The following NIPSNAP2 variants were observed in gnomAD, a reference collection of about 807,000 sequenced individuals.
The protein encoded by NIPSNAP2 is protein NipSnap homolog 2.
In NIPSNAP2, 42 loss-of-function variants were observed where a neutral mutation model predicts 48.4. The ratio of observed to expected loss-of-function variants is 0.87; its 90% CI spans 0.68 to 1.12. The LOEUF is 1.12. NIPSNAP2 is among the 50% of genes most tolerant of loss of function. The pLI is 0.00. For missense variants in NIPSNAP2, 314 were observed against 347.3 expected, an observed-to-expected ratio of 0.90 and a Z score of 0.76; for synonymous variants, 158 against 126.6, an observed-to-expected ratio of 1.25 and a Z score of -1.67.
chr7:55,990,532 G>GT (rs1787421507), intron 7 of NIPSNAP2, among the ~76,000 whole-genome samples: 1 of 151,914 alleles, frequency 6.6e-6, no homozygotes, highest in South Asian at 2.1e-4. Context: ...TGCCTAGCCT[G>GT]TTTTTTGTTT....
chr7:55,977,808 C>T (rs371370969), intron 1 of NIPSNAP2, among the ~76,000 whole-genome samples: 8 of 152,256 alleles, frequency 5.3e-5, no homozygotes, highest in Admixed American at 2.0e-4. Flanking sequence ...TGGCAACCTC[C>T]GTTCTGCTTT....
At chr7:55,985,888 A>G (rs1352613207) in intron 7 of NIPSNAP2, among the ~76,000 whole-genome samples, 1 of 151,908 alleles carries the variant, frequency 6.6e-6, no homozygotes, top group Non-Finnish European at 1.5e-5. Flanking sequence ...TCTCTACTGA[A>G]AATATAAAGA....
At chr7:55,967,777 C>G (rs1786927822) in intron 1 of NIPSNAP2, among the ~76,000 whole-genome samples, 1 of 151,764 alleles carries the variant, frequency 6.6e-6, no homozygotes, top group South Asian at 2.1e-4. Context: ...GCTACCTGAA[C>G]AGCTGGGACT....
chr7:55,997,862 A>G (rs1787594575), intron 9 of NIPSNAP2, among the ~76,000 whole-genome samples: 1 of 152,208 alleles, frequency 6.6e-6, no homozygotes, highest in Non-Finnish European at 1.5e-5. Flanking sequence ...GATAAATTAA[A>G]CTTCCTGTAT....
At chr7:55,964,942 C>A (rs1584334682) in intron 1 of NIPSNAP2, 1 of 193,432 alleles carries the variant, frequency 5.2e-6, no homozygotes, top group African/African-American at 2.3e-5. Flanking sequence ...CCCGGGAAGG[C>A]CCCCGAGGCT....
At chr7:55,987,975 G>A (rs993239171) in intron 7 of NIPSNAP2, among the ~76,000 whole-genome samples, 6 of 152,072 alleles carry the variant, frequency 3.9e-5, no homozygotes, top group Non-Finnish European at 7.4e-5. Context: ...TAAAAAATAC[G>A]TTTAAAAAAT....
Position 55,994,881 on chromosome 7 carries a change from C to A in NIPSNAP2, c.618-13C>A. 1.2e-6 allele frequency: 2 copies of A among 1,611,158 alleles called. No individual in the cohort carries two copies. Among genetic ancestry groups the A allele is most frequent in the Non-Finnish European group, 1.7e-6 (2 of 1,177,252 alleles). On this transcript the variant is annotated splice_polypyrimidine_tract_variant and intron_variant, in intron 7 of 9. Coordinates refer to ENST00000322090, the MANE Select transcript of NIPSNAP2 (RefSeq NM_001483.3). ...ATTCAGTGTCTTAAACAAACATCAT[C>A]TCATTCTTACAGGGCTCGTGCAATC... is the stretch of plus-strand genomic sequence containing the variant.
chr7:55,988,648 C>G (rs977243383), intron 7 of NIPSNAP2, among the ~76,000 whole-genome samples: 3 of 152,080 alleles, frequency 2.0e-5, no homozygotes, highest in African/African-American at 4.8e-5. Context: ...CACCTGAGGT[C>G]AAGAATTCGA....
chr7:55,969,321 C>G (rs1224952319), intron 1 of NIPSNAP2, among the ~76,000 whole-genome samples: 1 of 151,968 alleles, frequency 6.6e-6, no homozygotes, highest in Non-Finnish European at 1.5e-5. Context: ...TGGCATGGGT[C>G]TGTCAACCTC....
At chr7:55,993,256 G>A (rs540793099) in intron 7 of NIPSNAP2, among the ~76,000 whole-genome samples, 2 of 150,000 alleles carry the variant, frequency 1.3e-5, no homozygotes, top group African/African-American at 2.5e-5. Context: ...CCGAGATCCC[G>A]CCACTGCACT....
chr7:55,964,848 G>T (rs1446871036), intron 1 of NIPSNAP2, 147 bp downstream of exon 1: 13 of 249,080 alleles, frequency 5.2e-5, no homozygotes, highest in Non-Finnish European at 8.4e-5. Context: ...CGGAGCTGGG[G>T]TGGGGCCGGA....
At chr7:55,973,463 T>C (rs372825053) in intron 1 of NIPSNAP2, among the ~76,000 whole-genome samples, 4 of 151,790 alleles carry the variant, frequency 2.6e-5, no homozygotes, top group South Asian at 4.1e-4. Context: ...TTTAATTTAT[T>C]TTATTTTATT....
At chr7:55,979,666 C>T in intron 3 of NIPSNAP2, 12 of 416,520 alleles carry the variant, frequency 2.9e-5, no homozygotes, top group South Asian at 2.1e-4. Context: ...TCCTTCCTGC[C>T]CTGCAATACA....
At chr7:55,976,039 A>AGTGT (rs60119988) in intron 1 of NIPSNAP2, among the ~76,000 whole-genome samples, 12 of 150,428 alleles carry the variant, frequency 8.0e-5, no homozygotes, top group East Asian at 5.9e-4. Flanking sequence ...CTCTCAAAAA[A>AGTGT]GTGTGTGTGT....
At position 55,994,977 on chromosome 7, in the gene NIPSNAP2, A is replaced by G. The variant is rs1787529501; in HGVS notation, c.701A>G (p.His234Arg). 1 of 1,613,662 alleles carries G rather than the reference A, an allele frequency of 6.2e-7. No individual in the cohort carries two copies. The highest frequency in any genetic ancestry group is 1.3e-5 in the African/African-American group (1 of 74,938). The stretch of plus-strand genomic sequence containing the variant: ...CAGATTGGGCAGCTGTACATGGTGC[A>G]CCATCTTTGGGGTATCTGTTTTTCC... Reference protein sequence around the residue: ...FSQIGQLYMVHHLWAYRDLQT... With the variant: ...FSQIGQLYMVRHLWAYRDLQT... The change falls in exon 8 of 10, where the codon CAC becomes CGC. Residue 234 changes from histidine to arginine, a missense_variant. Around this residue, in one of 2 missense-constraint regions of NIPSNAP2, gnomAD observed 116 missense variants for 161.8 expected, o/e 0.72. Coordinates refer to ENST00000322090, the MANE Select transcript of NIPSNAP2 (RefSeq NM_001483.3).
intron 7 of NIPSNAP2, among the ~76,000 whole-genome samples, chr7:55,987,118 C>T (rs1298111697): frequency 6.6e-6 from 1 of 151,470 alleles, no homozygotes; most frequent in African/African-American, 2.4e-5. Flanking sequence ...GAGCCATGAT[C>T]ATGCCACTGC....
At chr7:55,987,886 A>G (rs149624300) in intron 7 of NIPSNAP2, among the ~76,000 whole-genome samples, 1 of 152,344 alleles carries the variant, frequency 6.6e-6, no homozygotes, top group Non-Finnish European at 1.5e-5. Context: ...TCTGTGGCAT[A>G]ACAGTGTAAA....
At chr7:55,966,441 T>A (rs1786896813) in intron 1 of NIPSNAP2, among the ~76,000 whole-genome samples, 1 of 152,082 alleles carries the variant, frequency 6.6e-6, no homozygotes, top group African/African-American at 2.4e-5. Flanking sequence ...ACTCTGTCCC[T>A]AATAATAAAT....
chr7:55,994,425 CTT>C (rs144466068), intron 7 of NIPSNAP2, among the ~76,000 whole-genome samples: 65 of 152,250 alleles, frequency 4.3e-4, no homozygotes, highest in Middle Eastern at 3.4e-3. Context: ...ATTAAAATGA[CTT>C]TTAGACCAGG....
Sources: allele counts gnomAD v4.1 joint callset (sites outside exome capture counted in the v4.1 genomes callset), GRCh38; gene constraint gnomAD v4.1.1; regional missense constraint gnomAD v4.1.1; transcripts MANE v1.5; gene names NCBI Gene and HGNC (gene_info 2026-07-23, HGNC 2026-07-21).